PHIP: variants seen among roughly 807,000 people sequenced by gnomAD.
PHIP encodes the protein PHIP subunit of CUL4-Ring ligase complex.
In PHIP, 54 loss-of-function variants were observed where a neutral mutation model predicts 236.8. The observed-to-expected ratio is 0.23, with a 90% CI of 0.18 to 0.29. The LOEUF is 0.29. PHIP is among the 10% of genes least tolerant of loss of function. The probability of loss-of-function intolerance (pLI) is 1.00; values close to 1 mark genes in which losing one functional copy is unlikely to be tolerated. For synonymous variants in PHIP, 756 were observed against 718.9 expected, an observed-to-expected ratio of 1.05 and a Z score of -0.83; for missense variants, 1,370 against 2,190.8, an observed-to-expected ratio of 0.63 and a Z score of 7.48.
Position 79,043,003 on chromosome 6 carries a change from G to A in PHIP, c.440C>T (p.Ala147Val), listed in dbSNP as rs185895794. The A allele has an allele frequency of 1.2e-5, 19 of 1,599,482 alleles. No individual in the cohort carries two copies. The highest frequency in any genetic ancestry group is 9.5e-5 in the African/African-American group (7 of 74,016). The change falls in exon 7 of 40, where the codon GCG becomes GTG. Residue 147 changes from alanine to valine, a missense_variant and splice_region_variant. Coordinates refer to ENST00000275034, the MANE Select transcript of PHIP (RefSeq NM_017934.7). ...PVNYGSPPSI[A>V]DTLFSRKLNG... ...CAGCTTCCTTGAAAACAGAGTATCC[G>A]CTACCAAGAAAAAGAAGGAAAATAA...
intron 6 of PHIP, among the ~76,000 whole-genome samples, chr6:79,054,190 G>A (rs1160023086): frequency 6.6e-6 from 1 of 150,674 alleles, no homozygotes; most frequent in African/African-American, 2.4e-5. Flanking sequence ...AAAAAGGGAG[G>A]AAATAGAAAG....
intron 4 of PHIP, among the ~76,000 whole-genome samples, chr6:79,071,645 T>C (rs1773886847): frequency 6.6e-6 from 1 of 152,174 alleles, no homozygotes; most frequent in Non-Finnish European, 1.5e-5. Flanking sequence ...ATAAGTATGT[T>C]TGGTATTCTC....
chr6:79,048,326 T>G (rs1772605883), intron 6 of PHIP, among the ~76,000 whole-genome samples: 2 of 152,050 alleles, frequency 1.3e-5, no homozygotes, highest in African/African-American at 2.4e-5. Context: ...TAAAGTTACC[T>G]CATTTTCTCT....
chr6:78,952,280 G>A (rs1037139590), intron 35 of PHIP, among the ~76,000 whole-genome samples: 2 of 151,844 alleles, frequency 1.3e-5, no homozygotes, highest in Admixed American at 6.6e-5. Context: ...TTAGTTGGGC[G>A]TGGTGGCATG....
chr6:79,051,469 G>A (rs536896041), intron 6 of PHIP, among the ~76,000 whole-genome samples: 43 of 152,186 alleles, frequency 2.8e-4, no homozygotes, highest in African/African-American at 4.8e-4. Flanking sequence ...TTCTCTCTTC[G>A]CTTTAATACT....
intron 29 of PHIP, 143 bp downstream of exon 29, chr6:78,965,560 G>A: frequency 5.3e-6 from 3 of 565,028 alleles, no homozygotes; most frequent in Non-Finnish European, 9.6e-6. Context: ...CTACTTCAAG[G>A]TGTACAATAA....
In PHIP at chr6:78,966,059, G is replaced by A; in HGVS notation, c.3206-3C>T. The A allele has an allele frequency of 6.3e-7, 1 of 1,589,188 alleles. No homozygotes were observed. Among genetic ancestry groups the A allele is most frequent in the East Asian group, 2.2e-5 (1 of 44,710 alleles). ...TATGACAGACCTGAAGCGGTCACCT[G>A]GCCAAGAACAAAAACTAACTCATCA... On this transcript the variant is annotated splice_region_variant and splice_polypyrimidine_tract_variant and intron_variant, in intron 27 of 39. Transcript: ENST00000275034.
At chr6:78,982,713 C>T (rs540770834) in intron 23 of PHIP, among the ~76,000 whole-genome samples, 173 bp downstream of exon 23, 1 of 151,902 alleles carries the variant, frequency 6.6e-6, no homozygotes. Flanking sequence ...TCTAAAAACT[C>T]GAATAAACTA....
chr6:79,030,448 G>A (rs1185706516), intron 7 of PHIP, among the ~76,000 whole-genome samples: 1 of 152,156 alleles, frequency 6.6e-6, no homozygotes, highest in East Asian at 1.9e-4. Flanking sequence ...GGCAAAGTAA[G>A]AAAACTTGAA....
Position 78,994,929 on chromosome 6 carries a change from GATT to G in PHIP, c.2201+2482_2201+2484del, listed in dbSNP as rs1161662159. On this transcript the variant is annotated intron_variant, in intron 19 of 39. Transcript: ENST00000275034. ...ACATAATCATATTGTTCAATTAACA[GATT>G]ATAGAATAGTATAACCTTAACTTTT... Among the ~76,000 whole-genome samples, 3 of 152,138 alleles carry G rather than the reference GATT, an allele frequency of 2.0e-5. No individual in the cohort carries two copies. In the East Asian group the frequency reaches 5.8e-4, roughly 29 times the overall value.
At chr6:79,015,494 C>T (rs1770792948) in intron 14 of PHIP, 136 bp downstream of exon 14, 4 of 678,256 alleles carry the variant, frequency 5.9e-6, no homozygotes, top group Admixed American at 3.0e-5. Context: ...TAAAATTATT[C>T]CCAATCACTC....
At position 79,077,835 on chromosome 6, in the gene PHIP, CG is replaced by C; in HGVS notation, c.99+19del. 1 of 1,431,424 alleles carries C rather than the reference CG, an allele frequency of 7.0e-7. No individual in the cohort carries two copies. 88.7% of individuals were successfully genotyped at this position (1,431,424 alleles called of 1,614,324 possible). On this transcript the variant is annotated intron_variant, in intron 2 of 39. Coordinates refer to ENST00000275034, the MANE Select transcript of PHIP (RefSeq NM_017934.7). Reference sequence around the variant, plus strand: ...GCGAGCGGCGAGCGCCGGCCCGGCCCGCGCCGCGCGCCGCCGTACCTGAGCC... The same window carrying C: ...GCGAGCGGCGAGCGCCGGCCCGGCCCCGCCGCGCGCCGCCGTACCTGAGCC...
At chr6:79,013,387 A>G (rs1393711170) in intron 15 of PHIP, among the ~76,000 whole-genome samples, 1 of 151,746 alleles carries the variant, frequency 6.6e-6, no homozygotes, top group Admixed American at 6.6e-5. Flanking sequence ...TCAACTTATT[A>G]CATGTATTTG....
intron 35 of PHIP, among the ~76,000 whole-genome samples, chr6:78,948,279 G>A (rs1410530082): frequency 6.6e-6 from 1 of 152,056 alleles, no homozygotes; most frequent in Non-Finnish European, 1.5e-5. Flanking sequence ...TTGCTTTGCA[G>A]TAATAAAGAA....
intron 6 of PHIP, among the ~76,000 whole-genome samples, chr6:79,055,937 C>T (rs907813959): frequency 2.0e-5 from 3 of 152,164 alleles, no homozygotes; most frequent in Non-Finnish European, 4.4e-5. Flanking sequence ...TTGGATCAAG[C>T]TTCTCTTCTT....
intron 15 of PHIP, among the ~76,000 whole-genome samples, chr6:79,010,505 C>CA (rs77994471): frequency 0.49 from 74,707 of 151,360 alleles, 19,026 homozygotes; most frequent in East Asian, 0.69. Flanking sequence ...CATGAAACAA[C>CA]AAAGTAAAGC....
intron 4 of PHIP, among the ~76,000 whole-genome samples, chr6:79,064,167 A>T (rs184272324): frequency 2.0e-5 from 3 of 152,216 alleles, no homozygotes; most frequent in Admixed American, 2.0e-4. Context: ...TATGCTTTGA[A>T]TCCTAACTTC....
intron 17 of PHIP, 61 bp downstream of exon 17, chr6:79,001,838 G>T: frequency 9.5e-7 from 1 of 1,053,836 alleles, no homozygotes; most frequent in Non-Finnish European, 1.5e-6. Context: ...TACTCAATTA[G>T]CAATTTTAAC....
intron 7 of PHIP, among the ~76,000 whole-genome samples, chr6:79,032,736 C>T (rs767489380): frequency 6.6e-6 from 1 of 151,586 alleles, no homozygotes; most frequent in Non-Finnish European, 1.5e-5. Context: ...TGTTGACATT[C>T]TGACCTCCTC....
Sources: allele counts gnomAD v4.1 joint callset (sites outside exome capture counted in the v4.1 genomes callset), GRCh38; gene constraint gnomAD v4.1.1; transcripts MANE v1.5; gene names NCBI Gene and HGNC (gene_info 2026-07-23, HGNC 2026-07-21).